The following CNTNAP3 variants were observed in gnomAD, a reference collection of about 807,000 sequenced individuals.
CNTNAP3 encodes contactin associated protein family member 3, also known as contactin-associated protein-like 3.
In CNTNAP3, 36 loss-of-function variants were observed where a neutral mutation model predicts 92.1. The observed-to-expected ratio is 0.39, with a 90% CI of 0.30 to 0.52. The LOEUF (loss-of-function observed/expected upper bound fraction) is 0.52. Among genes scored for constraint, CNTNAP3 ranks in the 20% least tolerant of loss-of-function variants. The pLI is 0.76. For synonymous variants in CNTNAP3, 232 were observed against 422.3 expected (o/e 0.55, Z 5.53); for missense variants, 534 against 1,069.6 (o/e 0.50, Z 6.98).
intron 11 of CNTNAP3, among the ~76,000 whole-genome samples, chr9:39,143,318 C>T (rs1821621394): frequency 6.6e-6 from 1 of 152,016 alleles, no homozygotes; most frequent in Non-Finnish European, 1.5e-5. Flanking sequence ...AGACTCGGGG[C>T]CCCATCTCCA....
At chr9:39,076,097 G>A (rs896045648) in intron 23 of CNTNAP3, among the ~76,000 whole-genome samples, 67 of 151,658 alleles carry the variant, frequency 4.4e-4, no homozygotes, top group African/African-American at 1.6e-3. Context: ...ATTTCTCAGC[G>A]GAAGAGAACA....
intron 12 of CNTNAP3, among the ~76,000 whole-genome samples, chr9:39,133,496 T>G (rs896330922): frequency 1.4e-3 from 214 of 151,470 alleles, no homozygotes; most frequent in African/African-American, 4.1e-3. Context: ...TTTCCTCATC[T>G]GTATGTGCCT....
chr9:39,147,875 T>C (rs948028290), intron 10 of CNTNAP3, among the ~76,000 whole-genome samples: 5 of 152,160 alleles, frequency 3.3e-5, no homozygotes, highest in African/African-American at 1.2e-4. Context: ...ACGATATATA[T>C]CTCATAACAG....
At chr9:39,159,639 G>C (rs1247436258) in intron 9 of CNTNAP3, 1 of 135,000 alleles carries the variant, frequency 7.4e-6, no homozygotes, top group East Asian at 2.2e-4. Context: ...GAGATAGATA[G>C]ATAGATAGAT....
intron 13 of CNTNAP3, among the ~76,000 whole-genome samples, chr9:39,119,302 A>G (rs1820944579): frequency 1.3e-5 from 2 of 150,650 alleles, no homozygotes; most frequent in South Asian, 4.2e-4. Context: ...TCATCCATAG[A>G]TAAGATCTCT....
chr9:39,100,671 G>A (rs2118475548), intron 17 of CNTNAP3, among the ~76,000 whole-genome samples: 1 of 152,200 alleles, frequency 6.6e-6, no homozygotes, highest in South Asian at 2.1e-4. Context: ...GGCAAAGGAG[G>A]GGAAGTTGGA....
At chr9:39,091,168 C>CTTTTTTTT (rs1319060417) in intron 18 of CNTNAP3, among the ~76,000 whole-genome samples, 158 of 117,406 alleles carry the variant, frequency 1.3e-3, no homozygotes, top group Middle Eastern at 9.3e-3. Context: ...TGTTTTTCTT[C>CTTTTTTTT]TTCTTTTTTT....
intron 13 of CNTNAP3, among the ~76,000 whole-genome samples, chr9:39,123,491 A>G (rs1587719589): frequency 6.6e-6 from 1 of 152,080 alleles, no homozygotes; most frequent in East Asian, 1.9e-4. Context: ...AATATTTAAA[A>G]TAATGACAGT....
intron 23 of CNTNAP3, among the ~76,000 whole-genome samples, chr9:39,077,905 G>A (rs893205063): frequency 6.6e-6 from 1 of 152,066 alleles, no homozygotes; most frequent in Non-Finnish European, 1.5e-5. Flanking sequence ...AGCAAATATT[G>A]CCTTAGAAAA....
chr9:39,238,525 C>T, intron 3 of CNTNAP3, among the ~76,000 whole-genome samples: 1 of 3,386 alleles, frequency 3.0e-4, no homozygotes, highest in African/African-American at 3.1e-4. Context: ...AACTCTGTCT[C>T]TTAAAATAAA....
intron 1 of CNTNAP3, among the ~76,000 whole-genome samples, chr9:39,285,608 A>G (rs1823032727): frequency 2.3e-5 from 1 of 44,330 alleles, no homozygotes; most frequent in African/African-American, 5.0e-5. Flanking sequence ...TGCAACCTCC[A>G]TCTCCCAGGT....
chr9:39,130,999 A>T (rs1329899483), intron 13 of CNTNAP3, among the ~76,000 whole-genome samples: 17 of 151,998 alleles, frequency 1.1e-4, no homozygotes, highest in African/African-American at 3.4e-4. Context: ...ATTTTTTTTT[A>T]AATTATCTTT....
At chr9:39,114,356 A>T (rs1200931670) in intron 14 of CNTNAP3, among the ~76,000 whole-genome samples, 1 of 152,118 alleles carries the variant, frequency 6.6e-6, no homozygotes, top group Non-Finnish European at 1.5e-5. Flanking sequence ...AAGTGCTGGG[A>T]TTACAGGCGT....
intron 11 of CNTNAP3, among the ~76,000 whole-genome samples, chr9:39,142,014 A>G (rs11793011): frequency 0.19 from 28,444 of 151,962 alleles, 2,991 homozygotes; most frequent in East Asian, 0.31. Flanking sequence ...ATGACTGTGG[A>G]CTTGGCAAAT....
chr9:39,151,923 C>A (rs1186525975), intron 9 of CNTNAP3, among the ~76,000 whole-genome samples: 1 of 150,726 alleles, frequency 6.6e-6, no homozygotes, highest in African/African-American at 2.4e-5. Context: ...TGGCATGACA[C>A]TTTGAGTCCA....
Position 39,157,526 on chromosome 9 carries a change from T to A in CNTNAP3, c.1478-7549A>T, listed in dbSNP as rs1298474197. ...AGCTAATTTTTTTTTTTTTGTATTT[T>A]TAGTAGAGACGGGGTTTCACCATGT... On this transcript the variant is annotated intron_variant, in intron 9 of 23. Transcript: ENST00000297668. Among the ~76,000 whole-genome samples the A allele has an allele frequency of 1.7e-5, 2 of 118,846 alleles. 1 individual carries two copies. Among genetic ancestry groups the A allele is most frequent in the African/African-American group, 5.9e-5 (2 of 33,954 alleles). The allele number at this position is 118,846 out of a possible 152,430, so 78.0% of individuals were successfully genotyped here.
At chr9:39,123,658 T>A (rs1821090415) in intron 13 of CNTNAP3, among the ~76,000 whole-genome samples, 1 of 151,984 alleles carries the variant, frequency 6.6e-6, no homozygotes, top group Non-Finnish European at 1.5e-5. Context: ...TAAAATCTTT[T>A]AAAAATAAAA....
At chr9:39,110,468 G>A (rs1162545858) in intron 14 of CNTNAP3, among the ~76,000 whole-genome samples, 2 of 152,094 alleles carry the variant, frequency 1.3e-5, no homozygotes, top group African/African-American at 4.8e-5. Context: ...CATTGTCCTG[G>A]GAATTGAGGA....
At chr9:39,112,641 G>A (rs533576490) in intron 14 of CNTNAP3, among the ~76,000 whole-genome samples, 35 of 152,256 alleles carry the variant, frequency 2.3e-4, no homozygotes, top group South Asian at 1.0e-3. Context: ...TGGGATAACA[G>A]GTGTGAGCCA....
Sources: gnomAD v4.1 joint callset for allele counts (sites outside exome capture counted in the v4.1 genomes callset) on GRCh38, gnomAD v4.1.1 for gene constraint, MANE v1.5 for transcripts, NCBI Gene and HGNC (gene_info 2026-07-23, HGNC 2026-07-21) for gene names.